Variants in ABCA13 observed in about 807,000 individuals in gnomAD.
The protein encoded by ABCA13 is ATP binding cassette subfamily A member 13, also known as ATP-binding cassette sub-family A member 13.
Under a neutral mutation model 478.7 loss-of-function variants are expected in ABCA13, and 476 were observed. That is an observed-to-expected ratio of 0.99 (90% CI 0.92 to 1.07). ABCA13 has a LOEUF of 1.07. Ranked by LOEUF, ABCA13 falls within the 50% of genes least tolerant of loss-of-function variation. The pLI, the probability that ABCA13 is intolerant of heterozygous loss-of-function variation, is 0.00. For synonymous variants in ABCA13, 2,252 were observed against 2,158.9 expected, an observed-to-expected ratio of 1.04 and a Z score of -1.20; for missense variants, 6,060 against 5,910.6, an observed-to-expected ratio of 1.03 and a Z score of -0.83.
At chr7:48,637,381 CAAAAAA>C (rs1156643955) in intron 59 of ABCA13, among the ~76,000 whole-genome samples, 460 of 20,274 alleles carry the variant, frequency 0.023, no homozygotes, top group African/African-American at 0.085. Context: ...GTTCATAAAG[CAAAAAA>C]AAAAAAAAAA....
chr7:48,515,314 T>C (rs912668148), intron 51 of ABCA13, among the ~76,000 whole-genome samples: 1 of 152,212 alleles, frequency 6.6e-6, no homozygotes, highest in African/African-American at 2.4e-5. Flanking sequence ...TCTGCTGATA[T>C]TAGGAACCAT....
intron 4 of ABCA13, among the ~76,000 whole-genome samples, chr7:48,220,558 C>A (rs1233464441): frequency 1.3e-5 from 2 of 152,106 alleles, no homozygotes; most frequent in Non-Finnish European, 2.9e-5. Flanking sequence ...AGGCAGATGG[C>A]ATTATGTGGT....
intron 40 of ABCA13, among the ~76,000 whole-genome samples, chr7:48,410,981 T>G (rs116761586): frequency 2.0e-4 from 7 of 34,800 alleles, no homozygotes; most frequent in Non-Finnish European, 3.6e-4. Context: ...TCTTTTCTCT[T>G]TCTTTCTTTC....
chr7:48,586,228 G>C (rs1471496419), intron 56 of ABCA13, among the ~76,000 whole-genome samples: 1 of 152,094 alleles, frequency 6.6e-6, no homozygotes, highest in Non-Finnish European at 1.5e-5. Flanking sequence ...CCATCCTTGG[G>C]TCTTGGCAAA....
chr7:48,422,708 G>A (rs1345273760), intron 41 of ABCA13, among the ~76,000 whole-genome samples: 1 of 152,184 alleles, frequency 6.6e-6, no homozygotes, highest in Non-Finnish European at 1.5e-5. Context: ...GTCCCCCAGC[G>A]ACGTCCACGT....
At chr7:48,318,853 T>C (rs1802971951) in intron 27 of ABCA13, among the ~76,000 whole-genome samples, 1 of 152,164 alleles carries the variant, frequency 6.6e-6, no homozygotes, top group Non-Finnish European at 1.5e-5. Context: ...AAAGATGATA[T>C]GCTATATTAT....
chr7:48,474,743 C>T (rs1585489879), intron 45 of ABCA13, among the ~76,000 whole-genome samples: 1 of 152,274 alleles, frequency 6.6e-6, no homozygotes, highest in South Asian at 2.1e-4. Flanking sequence ...CCTCAGCACT[C>T]ATGAGATCTC....
intron 31 of ABCA13, among the ~76,000 whole-genome samples, chr7:48,363,613 T>G (rs959644193): frequency 6.6e-6 from 1 of 152,142 alleles, no homozygotes; most frequent in East Asian, 1.9e-4. Context: ...TTTTTACATT[T>G]TAAAAAACTC....
In ABCA13 at chr7:48,594,013, G is replaced by T. The variant is rs753474489; in HGVS notation, c.14641-697G>T. On this transcript the variant is annotated intron_variant, in intron 57 of 61. Transcript: ENST00000435803. ...TCATTTTTGACAGTTTGATTATTGC[G>T]TATCTCAGTGAATAATTTGTTGGGT... Among the ~76,000 whole-genome samples the T allele has an allele frequency of 2.6e-5, 4 of 151,868 alleles. 1 individual carries two copies. The South Asian group carries it at 8.3e-4, about 32-fold the overall frequency.
At position 48,272,662 on chromosome 7, in the gene ABCA13, TA is replaced by T. The variant is rs748108289; in HGVS notation, c.3000del (p.Lys1000AsnfsTer58). On this transcript the variant is annotated frameshift_variant, in exon 17 of 62. Transcript: ENST00000435803. LOFTEE classifies it high-confidence loss of function. ...ATCTCAAAACACATTTTGGATATCA[TA>T]AAACAATTTAATTTCCAAAACATCA... ...TQISKHILDIIKQFNFQNISK... is the reference protein window; with the variant it reads ...TQISKHILDIXKQFNFQNISK... The T allele has an allele frequency of 6.2e-7, 1 of 1,612,978 alleles. No individual in the cohort carries two copies. Among genetic ancestry groups the T allele is most frequent in the Admixed American group, 1.7e-5 (1 of 59,874 alleles).
At chr7:48,245,824 T>C (rs1347236714) in intron 12 of ABCA13, 39 bp from the exon 13 acceptor site, 1 of 1,579,632 alleles carries the variant, frequency 6.3e-7, no homozygotes, top group Non-Finnish European at 8.6e-7. Context: ...TCTAAGCCTC[T>C]TTAAATGTTA....
intron 41 of ABCA13, among the ~76,000 whole-genome samples, chr7:48,425,004 T>G (rs181643150): frequency 7.7e-4 from 118 of 152,360 alleles, no homozygotes; most frequent in African/African-American, 2.8e-3. Flanking sequence ...GTCTTAGGCT[T>G]GCCTTTCACT....
At chr7:48,248,645 G>A (rs933057505) in intron 14 of ABCA13, among the ~76,000 whole-genome samples, 1 of 152,172 alleles carries the variant, frequency 6.6e-6, no homozygotes, top group African/African-American at 2.4e-5. Context: ...TTCCCTTAAT[G>A]TTTAACCACT....
At chr7:48,512,057 A>G (rs1831731964) in intron 51 of ABCA13, among the ~76,000 whole-genome samples, 1 of 152,014 alleles carries the variant, frequency 6.6e-6, no homozygotes, top group African/African-American at 2.4e-5. Flanking sequence ...AAGTATGTAG[A>G]TAAGAGAAAG....
chr7:48,247,470 T>A lies in ABCA13; in HGVS notation c.1660-769T>A, dbSNP rs574384121. On this transcript the variant is annotated intron_variant, in intron 13 of 61. Transcript: ENST00000435803. ...TTGAGGTAGCCTTTTGGATGATGCC[T>A]ACGATACGTATCACTAACAAATCAC... is the stretch of plus-strand genomic sequence containing the variant. Among the ~76,000 whole-genome samples the A allele has an allele frequency of 2.0e-5, 3 of 152,200 alleles. No homozygotes were observed. In the South Asian group the frequency reaches 6.2e-4, roughly 32 times the overall value.
intron 32 of ABCA13, among the ~76,000 whole-genome samples, 199 bp downstream of exon 32, chr7:48,368,107 T>C (rs1811971005): frequency 6.6e-6 from 1 of 152,122 alleles, no homozygotes; most frequent in Non-Finnish European, 1.5e-5. Context: ...CCAGATATTT[T>C]CCACTGACAT....
intron 39 of ABCA13, among the ~76,000 whole-genome samples, chr7:48,407,292 G>C (rs1818392219): frequency 6.6e-6 from 1 of 151,802 alleles, no homozygotes; most frequent in Non-Finnish European, 1.5e-5. Flanking sequence ...TGACCAACAT[G>C]GCAAAACCCT....
intron 15 of ABCA13, among the ~76,000 whole-genome samples, chr7:48,266,956 A>G (rs1008708885): frequency 6.6e-6 from 1 of 151,874 alleles, no homozygotes; most frequent in Non-Finnish European, 1.5e-5. Context: ...GTTATTTAGA[A>G]GTGTTATTTT....
chr7:48,297,412 A>T, intron 22 of ABCA13, 101 bp downstream of exon 22: 1 of 1,137,102 alleles, frequency 8.8e-7, no homozygotes, highest in South Asian at 1.4e-5. Context: ...AATTTATGCT[A>T]TATGTGATAC....
Sources: gnomAD v4.1 joint callset for allele counts (sites outside exome capture counted in the v4.1 genomes callset) on GRCh38, gnomAD v4.1.1 for gene constraint, MANE v1.5 for transcripts, NCBI Gene and HGNC (gene_info 2026-07-23, HGNC 2026-07-21) for gene names.